The following FBXL2 variants were observed in gnomAD, a reference collection of about 807,000 sequenced individuals.
FBXL2 encodes F-box and leucine rich repeat protein 2, also known as F-box/LRR-repeat protein 2.
A neutral mutation model predicts 69.2 loss-of-function variants in FBXL2; 38 were observed. The ratio of observed to expected loss-of-function variants is 0.55; its 90% CI spans 0.42 to 0.72. The LOEUF (loss-of-function observed/expected upper bound fraction) is 0.72. Ranked by LOEUF, FBXL2 falls within the 30% of genes least tolerant of loss-of-function variation. The pLI is 0.00. For missense variants in FBXL2, 354 were observed against 520.3 expected, an observed-to-expected ratio of 0.68 and a Z score of 3.11; for synonymous variants, 192 against 201.3, an observed-to-expected ratio of 0.95 and a Z score of 0.39.
chr3:33,290,111 T>A (rs2035072555), intron 1 of FBXL2, among the ~76,000 whole-genome samples: 1 of 152,146 alleles, frequency 6.6e-6, no homozygotes, highest in Admixed American at 6.5e-5. Context: ...AGGGAAGATA[T>A]CTCACAGTTA....
At chr3:33,411,721 C>T in the FBXL2 span, 5 of 1,541,752 alleles carry the variant, frequency 3.2e-6, no homozygotes, top group Non-Finnish European at 4.5e-6. Context: ...TAAAAACATC[C>T]ACTTTAAATA....
At chr3:33,388,653 CTTTCCCCAGTGACTG>C (rs903218568), downstream of FBXL2, 35 of 152,306 alleles carry the variant, frequency 2.3e-4, no homozygotes, top group African/African-American at 7.9e-4. Context: ...AAACTCACTT[CTTTCCCCAGTGACTG>C]GTACAGAAAA....
chr3:33,412,186 C>CAAAAAAA, the FBXL2 span, among the ~76,000 whole-genome samples: 1 of 63,446 alleles, frequency 1.6e-5, no homozygotes, highest in Non-Finnish European at 3.2e-5. Context: ...AACTCCGTCT[C>CAAAAAAA]AAAAAAAAAA....
At chr3:33,284,590 C>T (rs1378473266) in intron 1 of FBXL2, among the ~76,000 whole-genome samples, 1 of 152,146 alleles carries the variant, frequency 6.6e-6, no homozygotes, top group Admixed American at 6.5e-5. Context: ...AGTTCAATTC[C>T]TGGATATCCT....
At chr3:33,347,651 G>C (rs1429215466) in intron 2 of FBXL2, among the ~76,000 whole-genome samples, 1 of 152,102 alleles carries the variant, frequency 6.6e-6, no homozygotes, top group Non-Finnish European at 1.5e-5. Flanking sequence ...GTGTGTGAGG[G>C]TTCCCTTTTC....
intron 4 of FBXL2, 33 bp from the exon 5 acceptor site, chr3:33,364,592 G>C: frequency 6.4e-7 from 1 of 1,559,176 alleles, no homozygotes; most frequent in Non-Finnish European, 8.8e-7. Flanking sequence ...TGAAAAAACA[G>C]TATTTTTTCC....
At chr3:33,317,436 T>G (rs1157470129) in intron 2 of FBXL2, 1 of 456,554 alleles carries the variant, frequency 2.2e-6, no homozygotes, top group South Asian at 1.5e-5. Flanking sequence ...TTAATGGTTT[T>G]GTTACTCTCC....
intron 2 of FBXL2, among the ~76,000 whole-genome samples, chr3:33,316,446 A>G (rs1405361766): frequency 6.6e-6 from 1 of 152,126 alleles, no homozygotes; most frequent in East Asian, 1.9e-4. Context: ...TAGCTTTGGC[A>G]GTTGTTTTTG....
At chr3:33,296,542 AT>A (rs113738383) in intron 1 of FBXL2, among the ~76,000 whole-genome samples, 20 of 151,474 alleles carry the variant, frequency 1.3e-4, no homozygotes, top group African/African-American at 3.9e-4. Flanking sequence ...GCCATTTTGA[AT>A]TTTTTTTTAT....
rs537789805 is a variant in FBXL2, at chr3:33,317,360, A to G, written c.65+19635A>G. The G allele has an allele frequency of 5.5e-5, 23 of 420,160 alleles. No individual in the cohort carries two copies. The East Asian group carries it at 1.4e-3, about 26-fold the overall frequency. 26.0% of individuals were successfully genotyped at this position (420,160 alleles called of 1,614,324 possible). On this transcript the variant is annotated intron_variant, in intron 2 of 14. Transcript: ENST00000484457. ...AACCCAAATCCCATTCATTCACTGCATCCAATTCATAGTTCAGGGTCTGTG... is the reference window on the plus strand; with the variant it reads ...AACCCAAATCCCATTCATTCACTGCGTCCAATTCATAGTTCAGGGTCTGTG...
At chr3:33,399,470 A>G (rs537226781) in intron 12 of FBXL2, among the ~76,000 whole-genome samples, 1 of 152,348 alleles carries the variant, frequency 6.6e-6, no homozygotes, top group African/African-American at 2.4e-5. Flanking sequence ...ATGAAACACT[A>G]CTTAGCAGTA....
downstream of FBXL2, among the ~76,000 whole-genome samples, chr3:33,405,062 G>A (rs948290916): frequency 1.2e-4 from 18 of 152,150 alleles, no homozygotes; most frequent in African/African-American, 4.1e-4. Flanking sequence ...TATGGTCACA[G>A]CAAATTTTAA....
intron 2 of FBXL2, among the ~76,000 whole-genome samples, chr3:33,357,046 C>T (rs566514775): frequency 6.6e-6 from 1 of 152,290 alleles, no homozygotes; most frequent in East Asian, 1.9e-4. Context: ...AACCTCTATG[C>T]TCAGTGTCCT....
chr3:33,314,738 A>G (rs753528382), intron 2 of FBXL2, among the ~76,000 whole-genome samples: 1 of 152,222 alleles, frequency 6.6e-6, no homozygotes, highest in Non-Finnish European at 1.5e-5. Flanking sequence ...ACATTCATTA[A>G]TATCACCATT....
chr3:33,405,680 A>G (rs1395960937), downstream of FBXL2, among the ~76,000 whole-genome samples: 7 of 152,084 alleles, frequency 4.6e-5, no homozygotes, highest in East Asian at 1.4e-3. Context: ...GGATCACTTG[A>G]GCCAAGGAGT....
intron 2 of FBXL2, among the ~76,000 whole-genome samples, chr3:33,357,570 C>T (rs2041295315): frequency 7.1e-6 from 1 of 140,708 alleles, no homozygotes; most frequent in African/African-American, 2.7e-5. Context: ...CTCGCTGTCG[C>T]CCAGGTTGGA....
intron 12 of FBXL2, chr3:33,401,020 G>T: frequency 6.3e-7 from 1 of 1,586,426 alleles, no homozygotes; most frequent in South Asian, 1.2e-5. Context: ...AGAATTGCTG[G>T]GGAGAAAGGA....
chr3:33,411,523 T>C, the FBXL2 span: 1 of 1,447,226 alleles, frequency 6.9e-7, no homozygotes, highest in Non-Finnish European at 9.7e-7. Context: ...AAAAATTCAA[T>C]CCTACCATGA....
At chr3:33,341,832 GAAAAAA>G (rs56386082) in intron 2 of FBXL2, among the ~76,000 whole-genome samples, 2 of 58,534 alleles carry the variant, frequency 3.4e-5, no homozygotes, top group Non-Finnish European at 6.2e-5. Context: ...TCCGTCTCAG[GAAAAAA>G]AAAAAAAAAA....
Sources: allele counts gnomAD v4.1 joint callset (sites outside exome capture counted in the v4.1 genomes callset), GRCh38; gene constraint gnomAD v4.1.1; transcripts MANE v1.5; gene names NCBI Gene and HGNC (gene_info 2026-07-23, HGNC 2026-07-21).